MYO5A: variants seen among roughly 807,000 people sequenced by gnomAD.
The protein encoded by MYO5A is unconventional myosin-Va.
MYO5A carries 98 observed loss-of-function variants against 249.7 expected under a neutral mutation model. That is an observed-to-expected ratio of 0.39 (90% CI 0.33 to 0.46). MYO5A has a LOEUF of 0.46. Ranked by LOEUF, MYO5A falls within the 20% of genes least tolerant of loss-of-function variation. The pLI is 0.98. For synonymous variants in MYO5A, 778 were observed against 810.6 expected (o/e 0.96, Z 0.68); for missense variants, 1,696 against 2,308.8 (o/e 0.73, Z 5.44).
intron 1 of MYO5A, among the ~76,000 whole-genome samples, chr15:52,461,923 T>C (rs1437049756): frequency 6.7e-6 from 1 of 149,052 alleles, no homozygotes; most frequent in Non-Finnish European, 1.5e-5. Context: ...ATCGCGCCAC[T>C]GTACTCTAGC....
At chr15:52,361,252 T>TA (rs2040510710) in intron 24 of MYO5A, among the ~76,000 whole-genome samples, 1 of 152,162 alleles carries the variant, frequency 6.6e-6, no homozygotes, top group African/African-American at 2.4e-5. Context: ...CACTCTTGCT[T>TA]AAAGTTTCCA....
chr15:52,459,819 G>A (rs1347590752), intron 1 of MYO5A, among the ~76,000 whole-genome samples: 1 of 150,988 alleles, frequency 6.6e-6, no homozygotes, highest in Admixed American at 6.6e-5. Flanking sequence ...CAGACGGGGC[G>A]GCCGGGCAGA....
At chr15:52,385,237 T>G (rs1204443561) in intron 14 of MYO5A, among the ~76,000 whole-genome samples, 1 of 152,230 alleles carries the variant, frequency 6.6e-6, no homozygotes, top group Non-Finnish European at 1.5e-5. Context: ...TATTTGCAAC[T>G]ATAATTATAT....
intron 24 of MYO5A, 91 bp downstream of exon 24, chr15:52,364,463 A>T: frequency 4.8e-6 from 6 of 1,257,256 alleles, no homozygotes; most frequent in Non-Finnish European, 6.7e-6. Context: ...GTAGGTACAC[A>T]GAAGATATGG....
chr15:52,351,126 A>C, intron 28 of MYO5A, 128 bp downstream of exon 28: 1 of 821,828 alleles, frequency 1.2e-6, no homozygotes. Context: ...TTTTTAAAAA[A>C]ATAATGAATC....
intron 7 of MYO5A, 43 bp from the exon 8 acceptor site, chr15:52,407,442 C>T (rs764167793): frequency 2.1e-6 from 3 of 1,444,698 alleles, no homozygotes; most frequent in African/African-American, 1.4e-5. Flanking sequence ...TATGAAAAAG[C>T]CTTGCCTTCT....
chr15:52,498,571 T>C (rs1402180931), intron 1 of MYO5A, among the ~76,000 whole-genome samples: 2 of 152,210 alleles, frequency 1.3e-5, no homozygotes, highest in Admixed American at 1.3e-4. Flanking sequence ...AGTTGAACAC[T>C]TCCTCAATGT....
At position 52,408,452 on chromosome 15, in the gene MYO5A, T is replaced by G. The variant is rs1452748526; in HGVS notation, c.757-312A>C. Among the ~76,000 whole-genome samples the G allele has an allele frequency of 4.6e-5, 7 of 151,998 alleles. No homozygotes were observed. In the East Asian group the frequency reaches 1.4e-3, roughly 29 times the overall value. Reference sequence around the variant, plus strand: ...GCTTTTGGGGGAAACTAAAATCATTTTTTTTTTGCAATACTCAATACTATT... The same window carrying G: ...GCTTTTGGGGGAAACTAAAATCATTGTTTTTTTGCAATACTCAATACTATT... On this transcript the variant is annotated intron_variant, in intron 6 of 41. Coordinates refer to ENST00000399233, the MANE Select transcript of MYO5A (RefSeq NM_001382347.1).
At chr15:52,488,195 C>T (rs2076864011) in intron 1 of MYO5A, among the ~76,000 whole-genome samples, 1 of 120,074 alleles carries the variant, frequency 8.3e-6, no homozygotes, top group East Asian at 2.6e-4. Context: ...ACTCAAAAGA[C>T]AGAGAAGGAT....
In MYO5A at chr15:52,433,175, C is replaced by T. The variant is rs776264175; in HGVS notation, c.138G>A (p.Lys46=). 1.9e-6 allele frequency: 3 copies of T among 1,597,420 alleles called. No individual in the cohort carries two copies. The highest frequency in any genetic ancestry group is 2.2e-5 in the East Asian group (1 of 44,736). The part of the protein sequence containing the change: ...KVLLLHLEEG[K]DLEYHLDPKT... ...ACAACAAATGAAAGTGAGATCTCAC[C>T]TTTCCTTCCTCGAGGTGAAGCAGGA... The change falls in exon 2 of 42, where the codon AAG becomes AAA. Residue 46 remains lysine, a splice_region_variant and synonymous_variant. Coordinates refer to ENST00000399233, the MANE Select transcript of MYO5A (RefSeq NM_001382347.1).
intron 1 of MYO5A, among the ~76,000 whole-genome samples, chr15:52,506,437 G>A (rs2077272838): frequency 6.6e-6 from 1 of 151,548 alleles, no homozygotes; most frequent in Non-Finnish European, 1.5e-5. Flanking sequence ...TGAGGCGTGG[G>A]AATCACTTGA....
chr15:52,314,001 A>G (rs901028795), intron 41 of MYO5A, 122 bp downstream of exon 41: 15 of 1,305,526 alleles, frequency 1.1e-5, no homozygotes, highest in East Asian at 2.4e-5. Context: ...AACTATTATC[A>G]AAAAAGTTAG....
chr15:52,492,936 G>C (rs2076963598), intron 1 of MYO5A, among the ~76,000 whole-genome samples: 1 of 152,162 alleles, frequency 6.6e-6, no homozygotes, highest in Non-Finnish European at 1.5e-5. Flanking sequence ...AAACATAGGA[G>C]AAAACTCAGA....
In MYO5A at chr15:52,381,786, A is replaced by T. The variant is rs200351393; in HGVS notation, c.2012+1305T>A. ...GTGTCTCTCTCTCTCTCTCTCTCACACACACACACACACACACACACACGG... is the reference window on the plus strand; with the variant it reads ...GTGTCTCTCTCTCTCTCTCTCTCACTCACACACACACACACACACACACGG... On this transcript the variant is annotated intron_variant, in intron 16 of 41. Transcript: ENST00000399233. Among the ~76,000 whole-genome samples the T allele has an allele frequency of 4.5e-3, 564 of 124,668 alleles. 2 individuals carry two copies. Among genetic ancestry groups the T allele is most frequent in the Non-Finnish European group, 5.6e-3 (322 of 57,178 alleles). 81.8% of individuals were successfully genotyped at this position (124,668 alleles called of 152,430 possible).
chr15:52,507,292 C>T (rs1380547250), intron 1 of MYO5A, among the ~76,000 whole-genome samples: 2 of 152,150 alleles, frequency 1.3e-5, no homozygotes, highest in African/African-American at 2.4e-5. Context: ...TAAAAGCCCT[C>T]GTTTAGAATA....
At chr15:52,475,688 T>C (rs993338158) in intron 1 of MYO5A, among the ~76,000 whole-genome samples, 2 of 152,212 alleles carry the variant, frequency 1.3e-5, no homozygotes, top group Non-Finnish European at 2.9e-5. Flanking sequence ...TTCCATGTAG[T>C]TGTGTGGTTT....
chr15:52,381,206 G>A (rs1008572561), intron 16 of MYO5A, among the ~76,000 whole-genome samples: 3 of 151,912 alleles, frequency 2.0e-5, no homozygotes, highest in East Asian at 1.9e-4. Context: ...GTGGAAGAGC[G>A]GGTTGGTTGA....
At chr15:52,316,135 G>A (rs2037996982) in intron 40 of MYO5A, among the ~76,000 whole-genome samples, 1 of 148,790 alleles carries the variant, frequency 6.7e-6, no homozygotes, top group South Asian at 2.2e-4. Flanking sequence ...TCCAGAGGCT[G>A]AGGCAGGAGA....
At chr15:52,392,191 G>T in intron 11 of MYO5A, 121 bp from the exon 12 acceptor site, 1 of 965,008 alleles carries the variant, frequency 1.0e-6, no homozygotes, top group Non-Finnish European at 1.6e-6. Flanking sequence ...CCTCACGGGA[G>T]AAGCATGATT....
Sources: gnomAD v4.1 joint callset for allele counts (sites outside exome capture counted in the v4.1 genomes callset) on GRCh38, gnomAD v4.1.1 for gene constraint, MANE v1.5 for transcripts, NCBI Gene and HGNC (gene_info 2026-07-23, HGNC 2026-07-21) for gene names.